Variants in DENND11 observed in about 807,000 individuals in gnomAD.
DENND11 encodes the protein DENN domain-containing protein 11.
DENND11 carries 34 observed loss-of-function variants against 49.2 expected under a neutral mutation model. The ratio of observed to expected loss-of-function variants is 0.69; its 90% CI spans 0.53 to 0.92. The LOEUF is 0.92. Among genes scored for constraint, DENND11 ranks in the 40% least tolerant of loss-of-function variants. The pLI, the probability that DENND11 is intolerant of heterozygous loss-of-function variation, is 0.00. For missense variants in DENND11, 475 were observed against 581.6 expected (o/e 0.82, Z 1.88); for synonymous variants, 238 against 230.3 (o/e 1.03, Z -0.30).
intron 1 of DENND11, among the ~76,000 whole-genome samples, chr7:141,697,072 T>A (rs756076255): frequency 5.9e-5 from 9 of 152,074 alleles, no homozygotes; most frequent in Non-Finnish European, 1.0e-4. Context: ...CTCCACTGGG[T>A]GGTAGTGTGG....
chr7:141,694,149 C>A (rs375772150), intron 1 of DENND11, among the ~76,000 whole-genome samples: 2 of 152,024 alleles, frequency 1.3e-5, no homozygotes, highest in African/African-American at 4.8e-5. Flanking sequence ...AAATAAAATA[C>A]ATTAATTATT....
intron 3 of DENND11, among the ~76,000 whole-genome samples, chr7:141,677,499 GTGTGTATATATATATATATA>G (rs1307188281): frequency 3.1e-5 from 4 of 130,974 alleles, no homozygotes; most frequent in South Asian, 2.8e-4. Context: ...GTGTGTGTGT[GTGTGTATATATATATATATA>G]TGTATATATA....
Position 141,670,684 on chromosome 7 carries a change from C to T in DENND11, c.681+3383G>A, listed in dbSNP as rs577025653. 1.5e-4 allele frequency among the ~76,000 whole-genome samples: 23 copies of T among 152,282 alleles called. No homozygotes were observed. In the South Asian group the frequency reaches 2.7e-3, roughly 18 times the overall value. On this transcript the variant is annotated intron_variant, in intron 4 of 8. Coordinates refer to ENST00000536163, the MANE Select transcript of DENND11 (RefSeq NM_001080392.2). ...GCTTCTACTGAATGTGAATTGCTTC[C>T]GCACCATCATAAGGTCGAAAAATCA...
intron 3 of DENND11, among the ~76,000 whole-genome samples, chr7:141,678,216 G>A (rs1029987465): frequency 3.3e-5 from 5 of 152,142 alleles, no homozygotes; most frequent in Non-Finnish European, 7.3e-5. Context: ...GCCTGCCTCG[G>A]CCTCCCAAAG....
intron 3 of DENND11, among the ~76,000 whole-genome samples, chr7:141,681,334 T>C (rs1167953334): frequency 1.3e-5 from 2 of 152,168 alleles, no homozygotes; most frequent in African/African-American, 2.4e-5. Flanking sequence ...AATTTGGCAA[T>C]ATAAATCCAC....
At chr7:141,669,897 C>A (rs1167322668) in intron 4 of DENND11, among the ~76,000 whole-genome samples, 2 of 148,894 alleles carry the variant, frequency 1.3e-5, no homozygotes, top group African/African-American at 5.0e-5. Flanking sequence ...GCAGGCTCCG[C>A]CCCCTGGGGT....
chr7:141,665,300 A>AAGC lies in DENND11; in HGVS notation c.836_838dup (p.Cys279dup), dbSNP rs776747603. 7 of 1,612,594 alleles carry AAGC rather than the reference A, an allele frequency of 4.3e-6. No homozygotes were observed. Among genetic ancestry groups the AAGC allele is most frequent in the South Asian group, 1.1e-5 (1 of 90,926 alleles). ...GATGCCAGGCAGTGAAACGTTGGCC[A>AAGC]AGCAGCAGCAGCAGTACACTGTGGG... is the stretch of plus-strand genomic sequence containing the variant. On this transcript the variant is annotated inframe_insertion, in exon 6 of 9. Coordinates refer to ENST00000536163, the MANE Select transcript of DENND11 (RefSeq NM_001080392.2).
In DENND11 at chr7:141,662,577, G is replaced by T; in HGVS notation, c.*79C>A. The T allele has an allele frequency of 1.0e-6, 1 of 971,516 alleles. No individual in the cohort carries two copies. Among genetic ancestry groups the T allele is most frequent in the South Asian group, 2.1e-5 (1 of 46,540 alleles). The allele number at this position is 971,516 out of a possible 1,614,324, so 60.2% of individuals were successfully genotyped here. A position where few individuals can be genotyped will look rare whatever the true frequency, so the allele number is the denominator to read the frequency against. On this transcript the variant is annotated 3_prime_UTR_variant, in exon 9 of 9. Coordinates refer to ENST00000536163, the MANE Select transcript of DENND11 (RefSeq NM_001080392.2). The stretch of plus-strand genomic sequence containing the variant: ...CCTTTGTGTCAACTTAATAAAAAAT[G>T]AGGCCCTCTGGGGCCCTGGGGTGAA...
intron 1 of DENND11, among the ~76,000 whole-genome samples, chr7:141,692,410 G>T (rs1798340534): frequency 6.6e-6 from 1 of 152,164 alleles, no homozygotes; most frequent in Non-Finnish European, 1.5e-5. Flanking sequence ...AAGAGAGTAG[G>T]TATTGGTGAA....
At position 141,674,328 on chromosome 7, in the gene DENND11, C is replaced by T. The variant is rs1010614098; in HGVS notation, c.528-108G>A. 4.8e-5 allele frequency: 68 copies of T among 1,415,374 alleles called. 1 individual carries two copies. The highest frequency in any genetic ancestry group is 6.0e-5 in the Admixed American group (2 of 33,182). 87.7% of individuals were successfully genotyped at this position (1,415,374 alleles called of 1,614,324 possible). A position where few individuals can be genotyped will look rare whatever the true frequency, so the allele number is the denominator to read the frequency against. On this transcript the variant is annotated intron_variant, in intron 3 of 8. Coordinates refer to ENST00000536163, the MANE Select transcript of DENND11 (RefSeq NM_001080392.2). ...CCGCCCACCTCAAGGGGCTGTAACA[C>T]TCAGGGGCAAAGGCCCTGACATACT...
rs1020916196 is a variant in DENND11, at chr7:141,702,143, T to C, written c.11A>G (p.Gln4Arg). Reference protein sequence around the residue: MVEQGDAAPLLRWA... With the variant: MVERGDAAPLLRWA... ...GCGCAGCAGCGGCGCCGCGTCTCCC[T>C]GCTCCACCATGGCTAGGCGAGGCGG... The change falls in exon 1 of 9, where the codon CAG becomes CGG. Residue 4 changes from glutamine (Q) to arginine (R), a missense_variant. Coordinates refer to ENST00000536163, the MANE Select transcript of DENND11 (RefSeq NM_001080392.2). The C allele has an allele frequency of 1.0e-6, 1 of 981,950 alleles. No homozygotes were observed. The highest frequency in any genetic ancestry group is 1.2e-6 in the Non-Finnish European group (1 of 829,320). The allele number at this position is 981,950 out of a possible 1,614,324, so 60.8% of individuals were successfully genotyped here.
chr7:141,686,506 G>T, intron 2 of DENND11, 53 bp downstream of exon 2: 1 of 1,150,052 alleles, frequency 8.7e-7, no homozygotes, highest in Non-Finnish European at 1.3e-6. Flanking sequence ...TTTGGGGAAA[G>T]TGTGGAGGTG....
rs1282676176 is a variant in DENND11 at position 141,661,116 on chromosome 7, C to T, written c.*1540G>A. 6.6e-6 allele frequency: 1 copy of T among 152,110 alleles called. No homozygotes were observed. Among genetic ancestry groups the T allele is most frequent in the African/African-American group, 2.4e-5 (1 of 41,402 alleles). 9.4% of individuals were successfully genotyped at this position (152,110 alleles called of 1,614,324 possible). Reference sequence around the variant, plus strand: ...TTATCTTGAGATGAGATGTGTGAACCACCATTTGAATGTTATTTCTCCCTG... The same window carrying T: ...TTATCTTGAGATGAGATGTGTGAACTACCATTTGAATGTTATTTCTCCCTG... On this transcript the variant is annotated 3_prime_UTR_variant, in exon 9 of 9. Coordinates refer to ENST00000536163, the MANE Select transcript of DENND11 (RefSeq NM_001080392.2).
At chr7:141,701,230 T>A (rs537686816) in intron 1 of DENND11, among the ~76,000 whole-genome samples, 2 of 152,192 alleles carry the variant, frequency 1.3e-5, no homozygotes, top group South Asian at 2.1e-4. Flanking sequence ...TCTCCTTTAA[T>A]CAGCCTTCAG....
intron 1 of DENND11, among the ~76,000 whole-genome samples, chr7:141,692,987 T>C (rs994288139): frequency 5.9e-5 from 9 of 152,336 alleles, no homozygotes; most frequent in African/African-American, 2.2e-4. Context: ...AACAGCACAA[T>C]TCATGAAGGA....
At chr7:141,677,712 G>C (rs1213036178) in intron 3 of DENND11, among the ~76,000 whole-genome samples, 1 of 151,618 alleles carries the variant, frequency 6.6e-6, no homozygotes, top group East Asian at 1.9e-4. Flanking sequence ...CCTTCTCGGA[G>C]TGAGGCCTAA....
Position 141,702,112 on chromosome 7 carries a change from G to T in DENND11, c.42C>A (p.Ala14=). 6.1e-6 allele frequency: 6 copies of T among 983,958 alleles called. No individual in the cohort carries two copies. The highest frequency in any genetic ancestry group is 4.6e-5 in the South Asian group (1 of 21,844). 61.0% of individuals were successfully genotyped at this position (983,958 alleles called of 1,614,324 possible). A position where few individuals can be genotyped will look rare whatever the true frequency, so the allele number is the denominator to read the frequency against. ...GCGGCAGGGAGACGGCGGGGCCCTC[G>T]GCCCAGCGCAGCAGCGGCGCCGCGT... ...QGDAAPLLRW[A]EGPAVSLPQA... is the part of the protein sequence containing the mutation. Residue 14 remains alanine, a synonymous_variant, in exon 1 of 9, where the codon GCC becomes GCA. Transcript: ENST00000536163.
At chr7:141,698,967 G>A (rs1426506711) in intron 1 of DENND11, among the ~76,000 whole-genome samples, 1 of 151,710 alleles carries the variant, frequency 6.6e-6, no homozygotes, top group Non-Finnish European at 1.5e-5. Context: ...TGGGTGTGGG[G>A]TGGGGGGAGG....
intron 8 of DENND11, chr7:141,663,894 A>G: frequency 2.4e-6 from 1 of 415,010 alleles, no homozygotes; most frequent in Non-Finnish European, 4.4e-6. Context: ...CAGAGCTTCC[A>G]GGCAGTGGAC....
Sources: gnomAD v4.1 joint callset for allele counts (sites outside exome capture counted in the v4.1 genomes callset) on GRCh38, gnomAD v4.1.1 for gene constraint, MANE v1.5 for transcripts, NCBI Gene and HGNC (gene_info 2026-07-23, HGNC 2026-07-21) for gene names.